The following DOCK2 variants were observed in gnomAD, a reference collection of about 807,000 sequenced individuals.
DOCK2 encodes the protein dedicator of cytokinesis protein 2.
Under a neutral mutation model 248.9 loss-of-function variants are expected in DOCK2, and 87 were observed. That is an observed-to-expected ratio of 0.35 (90% CI 0.29 to 0.42). The LOEUF is 0.42. Among genes scored for constraint, DOCK2 ranks in the 10% least tolerant of loss-of-function variants. The pLI is 1.00. For missense variants in DOCK2, 1,747 were observed against 2,300.2 expected, an observed-to-expected ratio of 0.76 and a Z score of 4.92; for synonymous variants, 805 against 821.6, an observed-to-expected ratio of 0.98 and a Z score of 0.35.
chr5:169,794,913 ACT>A (rs765991376), intron 25 of DOCK2, among the ~76,000 whole-genome samples: 14 of 152,146 alleles, frequency 9.2e-5, no homozygotes, highest in Admixed American at 2.6e-4. Flanking sequence ...ACAGTGCGAG[ACT>A]CTGTCTCAAA....
chr5:169,696,863 C>G (rs1038929477), intron 10 of DOCK2, among the ~76,000 whole-genome samples: 1 of 151,460 alleles, frequency 6.6e-6, no homozygotes, highest in Non-Finnish European at 1.5e-5. Context: ...GGCTAGCTAG[C>G]CAGCCAGTGA....
chr5:169,680,569 G>A (rs954224638), intron 6 of DOCK2, among the ~76,000 whole-genome samples: 3 of 152,002 alleles, frequency 2.0e-5, no homozygotes, highest in African/African-American at 7.3e-5. Context: ...GCTAGGTACG[G>A]TAGTAGCTGG....
chr5:169,878,912 A>G (rs879775555), intron 27 of DOCK2, among the ~76,000 whole-genome samples: 6 of 152,212 alleles, frequency 3.9e-5, no homozygotes, highest in Non-Finnish European at 7.3e-5. Context: ...CCTGAGAGCC[A>G]TGGATAGAAT....
chr5:169,685,515 G>C (rs1190447177), intron 8 of DOCK2, among the ~76,000 whole-genome samples: 5 of 152,108 alleles, frequency 3.3e-5, no homozygotes, highest in African/African-American at 1.2e-4. Context: ...GCGCCACCAC[G>C]CCCGGCTAAT....
At chr5:170,077,661 C>A in intron 47 of DOCK2, 49 bp from the exon 48 acceptor site, 3 of 1,605,068 alleles carry the variant, frequency 1.9e-6, no homozygotes, top group Non-Finnish European at 2.6e-6. Context: ...AAGGCTGGGG[C>A]CACCTTCCCC....
At chr5:169,855,137 A>T (rs182714544) in intron 27 of DOCK2, among the ~76,000 whole-genome samples, 117 of 152,348 alleles carry the variant, frequency 7.7e-4, no homozygotes, top group African/African-American at 2.7e-3. Flanking sequence ...CTTCTGGAAA[A>T]TGGGGGTAAT....
chr5:169,969,102 A>T (rs1297658776), intron 27 of DOCK2, among the ~76,000 whole-genome samples: 1 of 152,166 alleles, frequency 6.6e-6, no homozygotes, highest in Non-Finnish European at 1.5e-5. Context: ...GTGAGCCATG[A>T]TCATGCCACT....
chr5:170,053,475 A>C (rs968800159), intron 41 of DOCK2, among the ~76,000 whole-genome samples: 1 of 152,204 alleles, frequency 6.6e-6, no homozygotes, highest in Non-Finnish European at 1.5e-5. Flanking sequence ...TTCACGTTAC[A>C]AAATACTCTT....
intron 22 of DOCK2, among the ~76,000 whole-genome samples, chr5:169,743,489 A>G (rs77826390): frequency 0.079 from 12,051 of 152,266 alleles, 943 homozygotes; most frequent in African/African-American, 0.2. Context: ...ACAAGAATTT[A>G]TAATGTTTAC....
chr5:169,883,641 G>A lies in DOCK2; in HGVS notation c.2799+42789G>A. On this transcript the variant is annotated intron_variant, in intron 27 of 51. Transcript: ENST00000520908. ...TGTTGCGAAAGCCCCCTGCCTTCTG[G>A]GACCTGGGGAAGGAGAGCGAGTAGG... 4 of 1,551,360 alleles carry A rather than the reference G, an allele frequency of 2.6e-6. No individual in the cohort carries two copies. The South Asian group carries it at 3.6e-5, about 14-fold the overall frequency.
At position 169,987,868 on chromosome 5, in the gene DOCK2, G is replaced by C. The variant is rs1228971701; in HGVS notation, c.2993+1946G>C. ...AGTTAGACTCTAGAACACAGCCTGG[G>C]CTTCAGACTCTTTAATTCTGCCACT... On this transcript the variant is annotated intron_variant, in intron 29 of 51. Coordinates refer to ENST00000520908, the MANE Select transcript of DOCK2 (RefSeq NM_004946.3). Among the ~76,000 whole-genome samples the C allele has an allele frequency of 2.0e-5, 3 of 152,258 alleles. No individual in the cohort carries two copies. In the South Asian group the frequency reaches 6.2e-4, roughly 32 times the overall value.
At chr5:170,014,316 C>T (rs533094250) in intron 32 of DOCK2, among the ~76,000 whole-genome samples, 1 of 152,212 alleles carries the variant, frequency 6.6e-6, no homozygotes, top group Non-Finnish European at 1.5e-5. Context: ...GTTACCTGTT[C>T]TTTAGAAATA....
intron 1 of DOCK2, among the ~76,000 whole-genome samples, chr5:169,644,108 G>C (rs1039960725): frequency 6.6e-6 from 1 of 152,176 alleles, no homozygotes; most frequent in Non-Finnish European, 1.5e-5. Flanking sequence ...GTAAGGAATG[G>C]ATTCTCTGAG....
chr5:170,060,730 TTGAAAAATA>T (rs1167788386), intron 44 of DOCK2, among the ~76,000 whole-genome samples: 1 of 152,104 alleles, frequency 6.6e-6, no homozygotes, highest in African/African-American at 2.4e-5. Flanking sequence ...TAAAATGGCT[TTGAAAAATA>T]TGAAATGCTG....
At chr5:169,970,326 C>T (rs1464201087) in intron 27 of DOCK2, among the ~76,000 whole-genome samples, 1 of 152,158 alleles carries the variant, frequency 6.6e-6, no homozygotes, top group Non-Finnish European at 1.5e-5. Context: ...CCTATTTGGT[C>T]AGAAAAGTAA....
intron 1 of DOCK2, among the ~76,000 whole-genome samples, chr5:169,645,137 C>A (rs1757383108): frequency 6.6e-6 from 1 of 152,170 alleles, no homozygotes; most frequent in Non-Finnish European, 1.5e-5. Flanking sequence ...AGAATGATTT[C>A]TATTCCTTTG....
chr5:169,985,900 G>A lies in DOCK2; in HGVS notation c.2971G>A (p.Ala991Thr). 2 of 1,610,574 alleles carry A rather than the reference G, an allele frequency of 1.2e-6. No homozygotes were observed. Among genetic ancestry groups the A allele is most frequent in the Non-Finnish European group, 8.5e-7 (1 of 1,177,914 alleles). Residue 991 changes from alanine to threonine, a missense_variant, in exon 29 of 52, where the codon GCC becomes ACC. Coordinates refer to ENST00000520908, the MANE Select transcript of DOCK2 (RefSeq NM_004946.3). ...GKNVYPGDWMAMSMVQNRVFL... is the reference protein window; with the variant it reads ...GKNVYPGDWMTMSMVQNRVFL... ...GAACGTGTACCCTGGAGACTGGATG[G>A]CCATGAGCATGGTTCAAAACAGGTG...
intron 27 of DOCK2, among the ~76,000 whole-genome samples, chr5:169,858,551 G>A (rs1254404124): frequency 6.6e-6 from 1 of 152,170 alleles, no homozygotes; most frequent in Non-Finnish European, 1.5e-5. Context: ...GGAGAGGCAG[G>A]GCAGGATGTG....
chr5:169,865,896 C>T (rs1397982906), intron 27 of DOCK2, among the ~76,000 whole-genome samples: 1 of 152,246 alleles, frequency 6.6e-6, no homozygotes, highest in African/African-American at 2.4e-5. Context: ...CCCCATGTCA[C>T]CTCCCAGGGC....
Sources: allele counts gnomAD v4.1 joint callset (sites outside exome capture counted in the v4.1 genomes callset), GRCh38; gene constraint gnomAD v4.1.1; transcripts MANE v1.5; gene names NCBI Gene and HGNC (gene_info 2026-07-23, HGNC 2026-07-21).